The following IFT43 variants were observed in gnomAD, a reference collection of about 807,000 sequenced individuals.
IFT43 encodes intraflagellar transport 43, also known as intraflagellar transport protein 43 homolog.
In IFT43, 33 loss-of-function variants were observed where a neutral mutation model predicts 32.3. The observed-to-expected ratio is 1.02, with a 90% CI of 0.77 to 1.37. The LOEUF is 1.37. IFT43 is among the 40% of genes most tolerant of loss of function. The probability of loss-of-function intolerance (pLI) is 0.00; values close to 1 mark genes in which losing one functional copy is unlikely to be tolerated. For synonymous variants in IFT43, 93 were observed against 98.2 expected, an observed-to-expected ratio of 0.95 and a Z score of 0.31; for missense variants, 274 against 265.9, an observed-to-expected ratio of 1.03 and a Z score of -0.21.
intron 5 of IFT43, among the ~76,000 whole-genome samples, chr14:76,071,840 C>T (rs150002068): frequency 3.4e-4 from 51 of 152,032 alleles, no homozygotes; most frequent in African/African-American, 1.2e-3. Flanking sequence ...GGGGCTGGTG[C>T]GAGCTGCTCC....
At chr14:76,069,962 G>A (rs145306140) in intron 5 of IFT43, among the ~76,000 whole-genome samples, 23 of 152,272 alleles carry the variant, frequency 1.5e-4, no homozygotes, top group African/African-American at 4.6e-4. Flanking sequence ...TCCTTCTGGC[G>A]AACCAAAAAG....
chr14:76,051,862 T>C (rs756916337), intron 3 of IFT43, among the ~76,000 whole-genome samples: 1 of 152,230 alleles, frequency 6.6e-6, no homozygotes, highest in Non-Finnish European at 1.5e-5. Context: ...TTTGTCTCTT[T>C]TGTAATGGGA....
chr14:76,073,104 G>C (rs1435838963), intron 5 of IFT43, among the ~76,000 whole-genome samples: 3 of 152,116 alleles, frequency 2.0e-5, no homozygotes, highest in African/African-American at 7.2e-5. Context: ...CAGTGACAGG[G>C]ACTATACAAA....
chr14:76,019,853 T>C (rs1483226405), intron 2 of IFT43, among the ~76,000 whole-genome samples: 3 of 152,126 alleles, frequency 2.0e-5, no homozygotes, highest in Non-Finnish European at 2.9e-5. Flanking sequence ...AAGCTCTTGA[T>C]TGTATTTTTT....
intron 3 of IFT43, chr14:76,022,683 G>GT (rs2036316697): frequency 4.1e-6 from 1 of 244,062 alleles, no homozygotes; most frequent in Non-Finnish European, 7.8e-6. Context: ...GATCTAGGTG[G>GT]TTACCAGTCA....
downstream of IFT43, chr14:76,083,906 G>A (rs1455253757): frequency 1.0e-5 from 5 of 495,860 alleles, no homozygotes; most frequent in African/African-American, 1.9e-5. Context: ...ACTGAAAGCT[G>A]TTCACTTCTC....
chr14:76,029,767 G>A (rs1156319646), intron 3 of IFT43, among the ~76,000 whole-genome samples: 2 of 151,998 alleles, frequency 1.3e-5, no homozygotes, highest in Non-Finnish European at 2.9e-5. Flanking sequence ...AGATTGGTTG[G>A]TTGAAGGTAT....
At chr14:76,058,792 T>C in intron 4 of IFT43, 118 bp downstream of exon 4, 1 of 1,591,260 alleles carries the variant, frequency 6.3e-7, no homozygotes, top group Non-Finnish European at 8.5e-7. Flanking sequence ...AGTCTGGGGC[T>C]AGAATTATTG....
At chr14:76,041,994 G>C (rs990119847) in intron 3 of IFT43, among the ~76,000 whole-genome samples, 1 of 152,026 alleles carries the variant, frequency 6.6e-6, no homozygotes, top group Admixed American at 6.6e-5. Context: ...CTAGACTTTA[G>C]GAAATTTGCA....
At chr14:75,987,238 A>G (rs2035546825) in intron 1 of IFT43, among the ~76,000 whole-genome samples, 2 of 152,226 alleles carry the variant, frequency 1.3e-5, no homozygotes, top group Admixed American at 1.3e-4. Flanking sequence ...TGCTGTGACA[A>G]ATGGAAAAGG....
intron 3 of IFT43, among the ~76,000 whole-genome samples, chr14:76,048,191 T>A (rs368553559): frequency 3.9e-5 from 6 of 152,370 alleles, no homozygotes; most frequent in African/African-American, 1.2e-4. Flanking sequence ...CCATGCACTA[T>A]ACTATTTGTG....
chr14:76,003,647 G>A (rs116308739), intron 2 of IFT43, among the ~76,000 whole-genome samples: 2,033 of 151,598 alleles, frequency 0.013, 49 homozygotes, highest in African/African-American at 0.042. Flanking sequence ...AAAAAATTAT[G>A]CCACTTCATA....
chr14:75,988,197 G>A (rs1240838143), intron 1 of IFT43, among the ~76,000 whole-genome samples: 2 of 151,908 alleles, frequency 1.3e-5, no homozygotes, highest in African/African-American at 4.8e-5. Flanking sequence ...GGCAGCACAG[G>A]GGGACCCCAT....
intron 3 of IFT43, among the ~76,000 whole-genome samples, chr14:76,034,900 C>T (rs1304521809): frequency 2.0e-5 from 3 of 152,226 alleles, no homozygotes; most frequent in Non-Finnish European, 4.4e-5. Flanking sequence ...AGGTAGGACA[C>T]TTATGGTGGG....
chr14:75,998,933 C>T (rs994581568), intron 2 of IFT43, among the ~76,000 whole-genome samples: 1 of 152,084 alleles, frequency 6.6e-6, no homozygotes, highest in African/African-American at 2.4e-5. Flanking sequence ...CAAGGTCATG[C>T]TGTGTTGCTC....
At chr14:75,999,243 ATATAT>A (rs2035810382) in intron 2 of IFT43, among the ~76,000 whole-genome samples, 61 of 25,264 alleles carry the variant, frequency 2.4e-3, no homozygotes, top group Admixed American at 3.9e-3. Flanking sequence ...ATATATATAT[ATATAT>A]ATATATATAT....
chr14:76,067,014 T>C (rs1033583037), intron 5 of IFT43, among the ~76,000 whole-genome samples: 3 of 152,224 alleles, frequency 2.0e-5, no homozygotes, highest in African/African-American at 7.2e-5. Context: ...TCCTTGCCCT[T>C]CAGGAGCTTC....
At chr14:76,001,888 CTA>C (rs1168363499) in intron 2 of IFT43, among the ~76,000 whole-genome samples, 2 of 152,188 alleles carry the variant, frequency 1.3e-5, no homozygotes, top group African/African-American at 2.4e-5. Flanking sequence ...GGGACCCACT[CTA>C]GTGATAATGG....
At chr14:76,068,789 T>C (rs1362979442) in intron 5 of IFT43, among the ~76,000 whole-genome samples, 1 of 152,218 alleles carries the variant, frequency 6.6e-6, no homozygotes, top group African/African-American at 2.4e-5. Context: ...AAGTCATTAG[T>C]TCATTTATTT....
Sources: allele counts gnomAD v4.1 joint callset (sites outside exome capture counted in the v4.1 genomes callset), GRCh38; gene constraint gnomAD v4.1.1; transcripts MANE v1.5; gene names NCBI Gene and HGNC (gene_info 2026-07-23, HGNC 2026-07-21).